ABCA3: variants seen among roughly 807,000 people sequenced by gnomAD.
ABCA3 encodes phospholipid-transporting ATPase ABCA3.
A neutral mutation model predicts 172.8 loss-of-function variants in ABCA3; 88 were observed. The ratio of observed to expected loss-of-function variants is 0.51; its 90% CI spans 0.43 to 0.61. ABCA3 has a LOEUF of 0.61. Among genes scored for constraint, ABCA3 ranks in the 20% least tolerant of loss-of-function variants. ABCA3 has a pLI of 0.00. For synonymous variants in ABCA3, 1,066 were observed against 983.8 expected (o/e 1.08, Z -1.56); for missense variants, 2,164 against 2,301.0 (o/e 0.94, Z 1.22).
intron 10 of ABCA3, among the ~76,000 whole-genome samples, chr16:2,313,531 C>G (rs1432290670): frequency 2.3e-4 from 26 of 113,156 alleles, no homozygotes; most frequent in African/African-American, 8.5e-4. Context: ...CCAGCCTAGG[C>G]AACAGAGTGA....
At chr16:2,307,107 C>G (rs323029) in intron 11 of ABCA3, among the ~76,000 whole-genome samples, 1 of 150,374 alleles carries the variant, frequency 6.7e-6, no homozygotes, top group African/African-American at 2.4e-5. Flanking sequence ...CACAGCGAGA[C>G]CCTGTCTCAA....
chr16:2,313,067 A>T (rs1195510823), intron 10 of ABCA3, among the ~76,000 whole-genome samples: 2 of 152,186 alleles, frequency 1.3e-5, no homozygotes, highest in East Asian at 3.9e-4. Context: ...AACAAAAAAA[A>T]TTTAAAAAAT....
At chr16:2,321,537 C>T (rs1038253424) in intron 7 of ABCA3, among the ~76,000 whole-genome samples, 6 of 152,310 alleles carry the variant, frequency 3.9e-5, no homozygotes, top group South Asian at 2.1e-4. Flanking sequence ...TGAAATACGA[C>T]GTTCTCCAGA....
Position 2,326,284 on chromosome 16 carries a change from A to T in ABCA3, c.55-10T>A. 6.2e-7 allele frequency: 1 copy of T among 1,612,578 alleles called. No individual in the cohort carries two copies. The highest frequency in any genetic ancestry group is 8.5e-7 in the Non-Finnish European group (1 of 1,180,018). ...CCAGGACCTTCCGCTTCTGGAAGAG[A>T]TACAATAGGGCACGGTGATGGGCTG... On this transcript the variant is annotated splice_polypyrimidine_tract_variant and intron_variant, in intron 4 of 32. Coordinates refer to ENST00000301732, the MANE Select transcript of ABCA3 (RefSeq NM_001089.3).
chr16:2,295,640 G>A lies in ABCA3; in HGVS notation c.2364C>T (p.Ser788=). The A allele has an allele frequency of 1.2e-6, 2 of 1,614,012 alleles. No homozygotes were observed. Among genetic ancestry groups the A allele is most frequent in the East Asian group, 2.2e-5 (1 of 44,888 alleles). ...TGAAAGACAGCTCGGCCCCAGCGCT[G>A]CTCTCCAGCGTGGCGTTGGGCACGT... ...HHHVPNATLE[S]SAGAELSFIL... The change falls in exon 18 of 33, where the codon AGC becomes AGT. Residue 788 remains serine (S), a synonymous_variant. Transcript: ENST00000301732.
At chr16:2,323,326 A>T (rs1442066022) in intron 7 of ABCA3, 197 bp downstream of exon 7, 1 of 689,896 alleles carries the variant, frequency 1.4e-6, no homozygotes, top group Non-Finnish European at 2.5e-6. Flanking sequence ...AAGGATTATA[A>T]ATCATGCTGC....
At position 2,292,212 on chromosome 16, in the gene ABCA3, T is replaced by C; in HGVS notation, c.2441A>G (p.Glu814Gly). Residue 814 changes from glutamate (E) to glycine (G), a missense_variant, in exon 19 of 33, where the codon GAG (glutamate) becomes GGG (glycine). Glu to Gly is a moderately conservative substitution (Grantham distance 98). Around this residue, in one of 3 missense-constraint regions of ABCA3, gnomAD observed 1,343 missense variants for 1,369.6 expected, o/e 0.98. Transcript: ENST00000301732. ...HRFEGLFAKL[E>G]KKQKELGIAS... is the part of the protein sequence containing the mutation. ...AATGCCCAGCTCTTTCTGCTTCTTC[T>C]CCAGTTTAGCAAAGAGACCTTCAAA... The C allele has an allele frequency of 1.2e-6, 2 of 1,613,902 alleles. No individual in the cohort carries two copies. Among genetic ancestry groups the C allele is most frequent in the Non-Finnish European group, 1.7e-6 (2 of 1,179,878 alleles).
At position 2,277,987 on chromosome 16, in the gene ABCA3, G is replaced by A; in HGVS notation, c.4801C>T (p.Leu1601Phe). Residue 1601 changes from leucine (L) to phenylalanine (F), a missense_variant, in exon 31 of 33, where the codon CTC becomes TTC. This residue lies in a region of ABCA3 where 795 missense variants were observed against 881.9 expected (regional missense o/e 0.90). Transcript: ENST00000301732. This position sits in a 1 kb window ranked among gnomAD's most constrained non-coding sequence, Gnocchi z 5.3. ...TAGCCGCTGCCGAACTTGCTCTTGA[G>A]GTGCTGGGGGCTGCCCAGGCACTTG... ...QFKCLGSPQHLKSKFGSGYSL... is the reference protein window; with the variant it reads ...QFKCLGSPQHFKSKFGSGYSL... The A allele has an allele frequency of 6.2e-7, 1 of 1,613,258 alleles. No homozygotes were observed. The highest frequency in any genetic ancestry group is 2.2e-5 in the East Asian group (1 of 44,882).
rs1269733372 is a variant in ABCA3, at chr16:2,317,650, T to C, written c.988A>G (p.Lys330Glu). Reference protein sequence around the residue: ...ASFMTLLFCVKVKPNVAVLSR... With the variant: ...ASFMTLLFCVEVKPNVAVLSR... ...AGCCCCACCGACGCCATGCTCACCT[T>C]GACACAGAAGAGCAGGGTCATGAAG... The change falls in exon 9 of 33, where the codon AAG becomes GAG. Residue 330 changes from lysine (K) to glutamate (E), a missense_variant and splice_region_variant. By Grantham distance (56) the Lys-to-Glu change is moderately conservative. Transcript: ENST00000301732. The C allele has an allele frequency of 6.2e-7, 1 of 1,614,070 alleles. No individual in the cohort carries two copies. Among genetic ancestry groups the C allele is most frequent in the Non-Finnish European group, 8.5e-7 (1 of 1,179,950 alleles).
At position 2,338,593 on chromosome 16, in the gene ABCA3, C is replaced by G. The variant is rs563897986; in HGVS notation, c.-539+1980G>C. 2.6e-5 allele frequency among the ~76,000 whole-genome samples: 4 copies of G among 152,162 alleles called. No individual in the cohort carries two copies. The East Asian group carries it at 7.7e-4, about 29-fold the overall frequency. On this transcript the variant is annotated intron_variant, in intron 1 of 32. Transcript: ENST00000301732. ...TGGAGACCCTCTGCTCTTCTTGGAG[C>G]CAACTCTCCTCCACCTCTGGTCACC... is the stretch of plus-strand genomic sequence containing the variant.
At position 2,288,075 on chromosome 16, in the gene ABCA3, A is replaced by C. The variant is rs750570163; in HGVS notation, c.2955T>G (p.His985Gln). 10 of 1,613,042 alleles carry C rather than the reference A, an allele frequency of 6.2e-6. No homozygotes were observed. Among genetic ancestry groups the C allele is most frequent in the Admixed American group, 1.7e-5 (1 of 60,026 alleles). ...TSQLGQQLSE[H>Q]LKDALQAEGQ... ...CCTCAGCCTGCAGTGCGTCTTTCAG[A>C]TGCTCTGACAGCTGCTGACCCAGCT... Residue 985 changes from histidine to glutamine, a missense_variant, in exon 21 of 33, where the codon CAT becomes CAG. His to Gln is a conservative substitution (Grantham distance 24). Coordinates refer to ENST00000301732, the MANE Select transcript of ABCA3 (RefSeq NM_001089.3).
At chr16:2,337,478 A>G (rs2141753976) in intron 1 of ABCA3, among the ~76,000 whole-genome samples, 1 of 149,852 alleles carries the variant, frequency 6.7e-6, no homozygotes, top group South Asian at 2.1e-4. Flanking sequence ...GGCTCAAGTG[A>G]TCCTCCCACC....
intron 11 of ABCA3, among the ~76,000 whole-genome samples, chr16:2,304,440 T>C (rs564639406): frequency 2.0e-5 from 3 of 152,096 alleles, no homozygotes; most frequent in Admixed American, 6.5e-5. Flanking sequence ...CACGTACATA[T>C]GCACCCACAT....
In ABCA3 at chr16:2,285,494, G is replaced by A. The variant is rs1250884675; in HGVS notation, c.3431C>T (p.Ser1144Phe). Reference protein sequence around the residue: ...SGVHVASFWLSALLWDLISFL... With the variant: ...SGVHVASFWLFALLWDLISFL... ...GGAGATGAGGTCCCACAGCAGAGCA[G>A]AGAGCCAGAAACTGGCCACGTGGAC... Residue 1144 changes from serine (S) to phenylalanine (F), a missense_variant, in exon 23 of 33, where the codon TCT becomes TTT. Transcript: ENST00000301732. The surrounding 1 kb of genome is among the most constrained non-coding windows in gnomAD (Gnocchi z 4.7). 6.2e-7 allele frequency: 1 copy of A among 1,611,918 alleles called. No homozygotes were observed. Among genetic ancestry groups the A allele is most frequent in the Non-Finnish European group, 8.5e-7 (1 of 1,179,100 alleles).
Position 2,311,478 on chromosome 16 carries a change from G to A in ABCA3, c.1112-2855C>T, listed in dbSNP as rs1458537390. Among the ~76,000 whole-genome samples the A allele has an allele frequency of 5.9e-5, 9 of 152,098 alleles. No homozygotes were observed. In the East Asian group the frequency reaches 1.3e-3, roughly 23 times the overall value. ...CCATGAAGTAACCAACGAACTTTTTGCGCTCTGTTACATTAACATCCATTG... is the reference window on the plus strand; with the variant it reads ...CCATGAAGTAACCAACGAACTTTTTACGCTCTGTTACATTAACATCCATTG... On this transcript the variant is annotated intron_variant, in intron 10 of 32. Transcript: ENST00000301732.
At chr16:2,324,583 G>C in intron 5 of ABCA3, 52 bp from the exon 6 acceptor site, 2 of 1,601,902 alleles carry the variant, frequency 1.2e-6, no homozygotes, top group Non-Finnish European at 1.7e-6. Flanking sequence ...CCTCCTGCTT[G>C]AAAAATCTGC....
At chr16:2,290,233 TTCATGA>T (rs1174359731) in intron 19 of ABCA3, among the ~76,000 whole-genome samples, 1 of 152,178 alleles carries the variant, frequency 6.6e-6, no homozygotes, top group Non-Finnish European at 1.5e-5. Context: ...CCACTCATCT[TTCATGA>T]TCTGCTCAGA....
At position 2,281,236 on chromosome 16, in the gene ABCA3, C is replaced by T; in HGVS notation, c.4165-15G>A. ...TGCTCGTACACCTGCAGGCACCCAACAGAAAACACGGAATGCGGAGGCCTG... is the reference window on the plus strand; with the variant it reads ...TGCTCGTACACCTGCAGGCACCCAATAGAAAACACGGAATGCGGAGGCCTG... On this transcript the variant is annotated splice_polypyrimidine_tract_variant and intron_variant, in intron 27 of 32. Transcript: ENST00000301732. This position sits in a 1 kb window ranked among gnomAD's most constrained non-coding sequence, Gnocchi z 4.7. 6.2e-7 allele frequency: 1 copy of T among 1,613,410 alleles called. No homozygotes were observed. Among genetic ancestry groups the T allele is most frequent in the Non-Finnish European group, 8.5e-7 (1 of 1,179,960 alleles).
intron 11 of ABCA3, among the ~76,000 whole-genome samples, chr16:2,307,163 TTC>T (rs2093699238): frequency 6.6e-6 from 1 of 152,012 alleles, no homozygotes; most frequent in Non-Finnish European, 1.5e-5. Flanking sequence ...TATCACTTGT[TTC>T]TCTCTTAGGC....
Sources: allele counts gnomAD v4.1 joint callset (sites outside exome capture counted in the v4.1 genomes callset), GRCh38; gene constraint gnomAD v4.1.1; regional missense constraint gnomAD v4.1.1; non-coding constraint Gnocchi (gnomAD v3.1); transcripts MANE v1.5; gene names NCBI Gene and HGNC (gene_info 2026-07-23, HGNC 2026-07-21).